Variants in ANKHD1 observed in about 807,000 individuals in gnomAD.
ANKHD1 encodes ankyrin repeat and KH domain-containing protein 1.
ANKHD1 carries 31 observed loss-of-function variants against 230.5 expected under a neutral mutation model. The observed-to-expected ratio is 0.13, with a 90% CI of 0.10 to 0.18. The LOEUF is 0.18. Among genes scored for constraint, ANKHD1 ranks in the 10% least tolerant of loss-of-function variants. The probability of loss-of-function intolerance (pLI) is 1.00; values close to 1 mark genes in which losing one functional copy is unlikely to be tolerated. For synonymous variants in ANKHD1, 1,074 were observed against 1,117.6 expected, an observed-to-expected ratio of 0.96 and a Z score of 0.78; for missense variants, 2,256 against 3,071.3, an observed-to-expected ratio of 0.73 and a Z score of 6.27.
intron 15 of ANKHD1, among the ~76,000 whole-genome samples, chr5:140,499,603 G>A (rs1262730392): frequency 6.6e-6 from 1 of 151,900 alleles, no homozygotes; most frequent in Non-Finnish European, 1.5e-5. Flanking sequence ...TATTAATGTT[G>A]CAACTTGATT....
Position 140,502,578 on chromosome 5 carries a change from T to C in ANKHD1, c.3005-2243T>C, listed in dbSNP as rs1004656239. ...AAATACTGATAGAAAAGTAGTTCTT[T>C]ACTAAAGTATATGTTAATAATTGTG... On this transcript the variant is annotated intron_variant, in intron 15 of 33. Coordinates refer to ENST00000360839, the MANE Select transcript of ANKHD1 (RefSeq NM_017747.3). 5.3e-5 allele frequency among the ~76,000 whole-genome samples: 8 copies of C among 152,156 alleles called. No individual in the cohort carries two copies. In the East Asian group the frequency reaches 1.5e-3, roughly 29 times the overall value.
Position 140,496,889 on chromosome 5 carries a change from A to G in ANKHD1, c.2615A>G (p.Gln872Arg). Residue 872 changes from glutamine (Q) to arginine (R), a missense_variant, in exon 15 of 34, where the codon CAG becomes CGG. Physicochemically the swap from Gln to Arg is conservative, Grantham distance 43. This residue lies in a region of ANKHD1 where 358 missense variants were observed against 397.7 expected (regional missense o/e 0.90). Transcript: ENST00000360839. ...AAAGACACAGTGTCTCTACACCAAC[A>G]GTGCTCTCATAGAGGAGTCTTCCCA... is the stretch of plus-strand genomic sequence containing the variant. Reference protein sequence around the residue: ...GQKDTVSLHQQCSHRGVFPEG... With the variant: ...GQKDTVSLHQRCSHRGVFPEG... 6.2e-7 allele frequency: 1 copy of G among 1,614,216 alleles called. No homozygotes were observed. Among genetic ancestry groups the G allele is most frequent in the Non-Finnish European group, 8.5e-7 (1 of 1,180,044 alleles).
intron 1 of ANKHD1, among the ~76,000 whole-genome samples, chr5:140,430,864 T>G (rs2126898185): frequency 6.6e-6 from 1 of 152,100 alleles, no homozygotes; most frequent in South Asian, 2.1e-4. Flanking sequence ...AAGGTCTCAC[T>G]ATGTTGCCCA....
At chr5:140,497,880 CA>C (rs2127038795) in intron 15 of ANKHD1, among the ~76,000 whole-genome samples, 1 of 25,894 alleles carries the variant, frequency 3.9e-5, no homozygotes, top group Non-Finnish European at 7.9e-5. Flanking sequence ...CACCACACCA[CA>C]CACACACACA....
chr5:140,510,138 C>T lies in ANKHD1; in HGVS notation c.4061C>T (p.Ala1354Val). 1 of 1,613,146 alleles carries T rather than the reference C, an allele frequency of 6.2e-7. No homozygotes were observed. Among genetic ancestry groups the T allele is most frequent in the Non-Finnish European group, 8.5e-7 (1 of 1,179,450 alleles). Residue 1354 changes from alanine (A) to valine (V), a missense_variant, in exon 22 of 34, where the codon GCA becomes GTA. Ala to Val is a moderately conservative substitution (Grantham distance 64, BLOSUM62 0). This residue lies in a region of ANKHD1 where 195 missense variants were observed against 340.3 expected (regional missense o/e 0.57). Coordinates refer to ENST00000360839, the MANE Select transcript of ANKHD1 (RefSeq NM_017747.3). ...CAAGCAGGTGCTGATGTGGATGCAG[C>T]AGATAACCGGAAAATCACACCTCTT... ...LVQAGADVDAADNRKITPLMS... is the reference protein window; with the variant it reads ...LVQAGADVDAVDNRKITPLMS...
At chr5:140,413,458 CT>C (rs1771100807) in intron 1 of ANKHD1, among the ~76,000 whole-genome samples, 1 of 152,182 alleles carries the variant, frequency 6.6e-6, no homozygotes, top group Non-Finnish European at 1.5e-5. Context: ...ACTTTCTCAT[CT>C]TCCAAACTGA....
In ANKHD1 at chr5:140,526,178, T is replaced by A. The variant is rs759515052; in HGVS notation, c.4675T>A (p.Leu1559Ile). 1 of 1,613,688 alleles carries A rather than the reference T, an allele frequency of 6.2e-7. No homozygotes were observed. The highest frequency in any genetic ancestry group is 1.1e-5 in the South Asian group (1 of 91,000). The change falls in exon 26 of 34, where the codon TTA (leucine) becomes ATA (isoleucine). Residue 1559 changes from leucine to isoleucine, a missense_variant. Around this residue, in one of 13 missense-constraint regions of ANKHD1, gnomAD observed 212 missense variants for 257.3 expected, o/e 0.82. Transcript: ENST00000360839. ...AAAAGAAACCCCTCCTACAGCACAT[T>A]TAATTTTACCAGAACAACATATGTC... ...KTKETPPTAH[L>I]ILPEQHMSLA...
rs920063662 is a variant in ANKHD1 at position 140,485,788 on chromosome 5, G to C, written c.2142+56G>C. On this transcript the variant is annotated intron_variant, in intron 13 of 33. Transcript: ENST00000360839. This position sits in a 1 kb window ranked among gnomAD's most constrained non-coding sequence, Gnocchi z 4.8. ...TAAATATTCTTCAACATGATTAGAA[G>C]TTTTTGTTTAAAATCAGTTTTAAGC... The C allele has an allele frequency of 6.3e-7, 1 of 1,590,612 alleles. No homozygotes were observed. Among genetic ancestry groups the C allele is most frequent in the Non-Finnish European group, 8.5e-7 (1 of 1,174,184 alleles).
At chr5:140,510,247 G>A (rs1430572991) in intron 22 of ANKHD1, 66 bp downstream of exon 22, 4 of 1,411,466 alleles carry the variant, frequency 2.8e-6, no homozygotes, top group South Asian at 3.1e-5. Context: ...ATGTGAGAAA[G>A]ATAAGTTTAT....
chr5:140,426,785 C>A (rs903424796), intron 1 of ANKHD1, among the ~76,000 whole-genome samples: 6 of 152,186 alleles, frequency 3.9e-5, no homozygotes, highest in African/African-American at 1.4e-4. Context: ...TTAATCCATT[C>A]AACCCTGAGT....
At chr5:140,447,204 A>G (rs931006566) in intron 6 of ANKHD1, among the ~76,000 whole-genome samples, 1 of 147,828 alleles carries the variant, frequency 6.8e-6, no homozygotes, top group South Asian at 2.2e-4. Flanking sequence ...TGCCTGGCCT[A>G]TTTTTTATTA....
chr5:140,430,387 A>C (rs772013209), intron 1 of ANKHD1, among the ~76,000 whole-genome samples: 2 of 152,180 alleles, frequency 1.3e-5, no homozygotes, highest in Non-Finnish European at 2.9e-5. Context: ...TAGCTACTGA[A>C]TAGAGATGAG....
intron 1 of ANKHD1, among the ~76,000 whole-genome samples, chr5:140,419,776 T>TTCTTTCTTTCTTTCTC (rs1359005619): frequency 0.013 from 185 of 13,844 alleles, 3 homozygotes; most frequent in South Asian, 0.077. Flanking sequence ...TCCTTTCTTT[T>TTCTTTCTTTCTTTCTC]TCTTTCTTTC....
At chr5:140,458,969 TATATATATATGC>T (rs1200956877) in intron 8 of ANKHD1, 107 bp downstream of exon 8, 413 of 23,874 alleles carry the variant, frequency 0.017, 8 homozygotes, top group Admixed American at 0.042. Flanking sequence ...TATATATATA[TATATATATATGC>T]ATATATATAT....
At chr5:140,406,835 CT>C (rs1323888171) in intron 1 of ANKHD1, among the ~76,000 whole-genome samples, 1 of 152,048 alleles carries the variant, frequency 6.6e-6, no homozygotes, top group African/African-American at 2.4e-5. Flanking sequence ...CCACCTGGCC[CT>C]TTTGTTATTT....
At chr5:140,446,990 A>G (rs930934226) in intron 6 of ANKHD1, among the ~76,000 whole-genome samples, 7 of 151,820 alleles carry the variant, frequency 4.6e-5, no homozygotes, top group Admixed American at 4.6e-4. Context: ...GCTCACTGCA[A>G]CTTCCGCCTC....
Position 140,458,754 on chromosome 5 carries a change from A to G in ANKHD1, c.1372A>G (p.Ile458Val). ...GGHVELAALL[I>V]ERGANLEEVN... ...ACATGTTGAATTGGCAGCTCTACTTATTGAAAGGGGAGCAAATCTTGAAGA... is the reference window on the plus strand; with the variant it reads ...ACATGTTGAATTGGCAGCTCTACTTGTTGAAAGGGGAGCAAATCTTGAAGA... The change falls in exon 8 of 34, where the codon ATT (isoleucine) becomes GTT (valine). Residue 458 changes from isoleucine (I) to valine (V), a missense_variant. Ile to Val is a conservative substitution (Grantham distance 29). This residue lies in a region of ANKHD1 where 179 missense variants were observed against 261.8 expected (regional missense o/e 0.68). Coordinates refer to ENST00000360839, the MANE Select transcript of ANKHD1 (RefSeq NM_017747.3). 1 of 1,613,222 alleles carries G rather than the reference A, an allele frequency of 6.2e-7. No homozygotes were observed. The highest frequency in any genetic ancestry group is 8.5e-7 in the Non-Finnish European group (1 of 1,179,748).
At chr5:140,534,180 C>T (rs1753970513) in intron 29 of ANKHD1, among the ~76,000 whole-genome samples, 1 of 152,132 alleles carries the variant, frequency 6.6e-6, no homozygotes, top group Non-Finnish European at 1.5e-5. Flanking sequence ...ATCATGAGGT[C>T]AGGAGATCGA....
chr5:140,517,858 C>A (rs1203024180), intron 24 of ANKHD1, among the ~76,000 whole-genome samples: 4 of 146,842 alleles, frequency 2.7e-5, no homozygotes, highest in South Asian at 4.5e-4. Context: ...AAAATTGACA[C>A]CCTAACATCA....
Sources: allele counts gnomAD v4.1 joint callset (sites outside exome capture counted in the v4.1 genomes callset), GRCh38; gene constraint gnomAD v4.1.1; regional missense constraint gnomAD v4.1.1; non-coding constraint Gnocchi (gnomAD v3.1); transcripts MANE v1.5; gene names NCBI Gene and HGNC (gene_info 2026-07-23, HGNC 2026-07-21).